DAPK2: variants seen among roughly 807,000 people sequenced by gnomAD.
DAPK2 encodes death-associated protein kinase 2.
Under a neutral mutation model 44.1 loss-of-function variants are expected in DAPK2, and 35 were observed. The ratio of observed to expected loss-of-function variants is 0.79; its 90% CI spans 0.61 to 1.05. The LOEUF (loss-of-function observed/expected upper bound fraction) is 1.05. Among genes scored for constraint, DAPK2 ranks in the 50% least tolerant of loss-of-function variants. DAPK2 has a pLI of 0.00. For missense variants in DAPK2, 453 were observed against 483.2 expected (o/e 0.94, Z 0.59); for synonymous variants, 174 against 182.6 (o/e 0.95, Z 0.38).
At chr15:64,025,895 G>A (rs1056783044) in intron 1 of DAPK2, among the ~76,000 whole-genome samples, 28 of 152,312 alleles carry the variant, frequency 1.8e-4, no homozygotes, top group African/African-American at 5.5e-4. Flanking sequence ...TAAAGTTAGC[G>A]TTCTCTATCA....
intron 1 of DAPK2, among the ~76,000 whole-genome samples, chr15:64,028,130 C>T (rs1248502695): frequency 2.0e-5 from 3 of 152,160 alleles, no homozygotes; most frequent in African/African-American, 7.2e-5. Context: ...GCTATCTCAG[C>T]TCACTGCAAC....
rs1292017680 is a variant in DAPK2, at chr15:63,980,575, A to G, written c.314+2958T>C. On this transcript the variant is annotated intron_variant, in intron 2 of 10. Coordinates refer to ENST00000261891, the Ensembl canonical transcript of DAPK2. This position sits in a 1 kb window ranked among gnomAD's most constrained non-coding sequence, Gnocchi z 4.3. ...TAGTCATCCCATTCCTGGGGATGTT[A>G]GCTAAATCCTCAGGACTTTGCTGAA... Among the ~76,000 whole-genome samples, 1 of 152,226 alleles carries G rather than the reference A, an allele frequency of 6.6e-6. No individual in the cohort carries two copies. Among genetic ancestry groups the G allele is most frequent in the Non-Finnish European group, 1.5e-5 (1 of 68,036 alleles).
chr15:63,959,326 C>T (rs1008871518), intron 3 of DAPK2, among the ~76,000 whole-genome samples: 1 of 152,172 alleles, frequency 6.6e-6, no homozygotes, highest in African/African-American at 2.4e-5. Context: ...TTCCTCTTTT[C>T]CTAATTGAAT....
intron 3 of DAPK2, among the ~76,000 whole-genome samples, chr15:63,960,378 A>C (rs976211739): frequency 5.3e-5 from 8 of 151,800 alleles, no homozygotes; most frequent in Admixed American, 6.6e-5. Context: ...TTAGTTATTT[A>C]TTGCCTTCTG....
At chr15:64,019,127 A>T (rs1204948450) in intron 1 of DAPK2, among the ~76,000 whole-genome samples, 1 of 152,142 alleles carries the variant, frequency 6.6e-6, no homozygotes, top group Non-Finnish European at 1.5e-5. Flanking sequence ...AAGTCTAGTC[A>T]ATCCTCCAGA....
At chr15:64,010,160 C>T (rs2079350711) in intron 1 of DAPK2, among the ~76,000 whole-genome samples, 1 of 152,088 alleles carries the variant, frequency 6.6e-6, no homozygotes, top group Admixed American at 6.5e-5. Flanking sequence ...AAGCTCAGAC[C>T]CACAGAGTCA....
chr15:63,970,919 G>T (rs897120576), intron 3 of DAPK2, among the ~76,000 whole-genome samples: 3 of 152,114 alleles, frequency 2.0e-5, no homozygotes, highest in African/African-American at 7.2e-5. Flanking sequence ...CCACAGTTTG[G>T]AGCACAGTAG....
chr15:64,016,280 G>A (rs1353188808), intron 1 of DAPK2, among the ~76,000 whole-genome samples: 1 of 152,238 alleles, frequency 6.6e-6, no homozygotes, highest in South Asian at 2.1e-4. Flanking sequence ...GTTTCCCAAA[G>A]TAACTGGCAC....
chr15:63,936,689 C>T (rs1336385906), intron 4 of DAPK2, among the ~76,000 whole-genome samples: 1 of 151,304 alleles, frequency 6.6e-6, no homozygotes, highest in Non-Finnish European at 1.5e-5. Flanking sequence ...CTCAAGAATC[C>T]AGTTTTGTAA....
At chr15:63,943,594 C>T (rs577637743) in intron 3 of DAPK2, among the ~76,000 whole-genome samples, 41 of 152,178 alleles carry the variant, frequency 2.7e-4, no homozygotes, top group African/African-American at 9.2e-4. Flanking sequence ...CCCAGGAGGC[C>T]GGGCGCAGTG....
chr15:64,032,771 C>T (rs558130178), intron 1 of DAPK2, among the ~76,000 whole-genome samples: 3 of 151,722 alleles, frequency 2.0e-5, no homozygotes, highest in Non-Finnish European at 4.4e-5. Context: ...GGTAACATGG[C>T]GAAACCCTGT....
Position 64,040,138 on chromosome 15 carries a change from G to A in DAPK2, c.92+32C>T, listed in dbSNP as rs556254056. Reference sequence around the variant, plus strand: ...GAAGAAGCATGACTTTGGCTCCCTCGGCATCCCCCCACCTCTCACACAGTC... The same window carrying A: ...GAAGAAGCATGACTTTGGCTCCCTCAGCATCCCCCCACCTCTCACACAGTC... On this transcript the variant is annotated intron_variant, in intron 1 of 10. Coordinates refer to ENST00000261891, the Ensembl canonical transcript of DAPK2. 107 of 1,571,318 alleles carry A rather than the reference G, an allele frequency of 6.8e-5. No homozygotes were observed. The South Asian group carries it at 1.0e-3, about 15-fold the overall frequency.
In DAPK2 at chr15:63,917,229, G is replaced by C. The variant is rs577363360; in HGVS notation, c.859-5032C>G. On this transcript the variant is annotated intron_variant, in intron 8 of 10. Transcript: ENST00000261891. This position sits in a 1 kb window ranked among gnomAD's most constrained non-coding sequence, Gnocchi z 4.4. ...AATACAAAAACTAGTTGGGTGTGGT[G>C]GTGGGTGCCTGTAATCTCAGCTACT... 1 of 152,210 alleles carries C rather than the reference G, an allele frequency of 6.6e-6. No homozygotes were observed. Among genetic ancestry groups the C allele is most frequent in the African/African-American group, 2.4e-5 (1 of 41,518 alleles). 9.4% of individuals were successfully genotyped at this position (152,210 alleles called of 1,614,324 possible).
At chr15:63,962,029 C>T (rs886950489) in intron 3 of DAPK2, among the ~76,000 whole-genome samples, 1 of 152,102 alleles carries the variant, frequency 6.6e-6, no homozygotes, top group Non-Finnish European at 1.5e-5. Flanking sequence ...TTCTTGGAGG[C>T]TTTTTTTGTT....
intron 3 of DAPK2, among the ~76,000 whole-genome samples, chr15:63,969,999 A>G (rs1034374475): frequency 2.0e-5 from 3 of 152,126 alleles, no homozygotes; most frequent in African/African-American, 7.2e-5. Context: ...TAGGCACCTA[A>G]TCAATCCTCA....
rs964323631 is a variant in DAPK2, at chr15:64,000,224, C to G, written c.93-16470G>C. ...ACACACACACACACACACACAGCCC[C>G]TAGGTCTGCTCCACAGGACTTTGTG... On this transcript the variant is annotated intron_variant, in intron 1 of 10. Coordinates refer to ENST00000261891, the Ensembl canonical transcript of DAPK2. Among the ~76,000 whole-genome samples the G allele has an allele frequency of 3.3e-5, 5 of 151,876 alleles. No homozygotes were observed. In the East Asian group the frequency reaches 7.7e-4, roughly 23 times the overall value.
At chr15:64,029,135 G>GC (rs1172926176) in intron 1 of DAPK2, among the ~76,000 whole-genome samples, 7 of 127,698 alleles carry the variant, frequency 5.5e-5, no homozygotes, top group South Asian at 2.6e-4. Context: ...CATAAGTACT[G>GC]CCCCCCGCCC....
chr15:64,038,570 C>A (rs409438), intron 1 of DAPK2, among the ~76,000 whole-genome samples: 1 of 151,956 alleles, frequency 6.6e-6, no homozygotes, highest in African/African-American at 2.4e-5. Context: ...TTTGCTCCCC[C>A]ACCCACCATC....
At chr15:64,022,258 T>G (rs1344903476) in intron 1 of DAPK2, among the ~76,000 whole-genome samples, 1 of 152,202 alleles carries the variant, frequency 6.6e-6, no homozygotes, top group African/African-American at 2.4e-5. Flanking sequence ...AACACTGTTA[T>G]TACTAAAAGA....
Sources: gnomAD v4.1 joint callset for allele counts (sites outside exome capture counted in the v4.1 genomes callset) on GRCh38, gnomAD v4.1.1 for gene constraint, Gnocchi (gnomAD v3.1) non-coding constraint, MANE v1.5 for transcripts, NCBI Gene and HGNC (gene_info 2026-07-23, HGNC 2026-07-21) for gene names.